Variants in SEMA4B observed in about 807,000 individuals in gnomAD.
SEMA4B encodes semaphorin 4B.
A neutral mutation model predicts 88.1 loss-of-function variants in SEMA4B; 55 were observed. The observed-to-expected ratio is 0.62, with a 90% CI of 0.50 to 0.78. The LOEUF is 0.78. SEMA4B is among the 30% of genes least tolerant of loss of function. SEMA4B has a pLI of 0.00. For synonymous variants in SEMA4B, 525 were observed against 473.6 expected, an observed-to-expected ratio of 1.11 and a Z score of -1.41; for missense variants, 1,062 against 1,111.9, an observed-to-expected ratio of 0.96 and a Z score of 0.64.
At chr15:90,191,972 G>C (rs1960357307) in intron 1 of SEMA4B, 1 of 152,446 alleles carries the variant, frequency 6.6e-6, no homozygotes, top group African/African-American at 2.4e-5. Context: ...AGCCCCTGGG[G>C]AGAAGACACC....
chr15:90,219,750 T>C (rs1300499148), intron 3 of SEMA4B, 43 bp from the exon 4 acceptor site: 3 of 1,526,088 alleles, frequency 2.0e-6, no homozygotes, highest in Non-Finnish European at 2.7e-6. Context: ...CCTGGTGGCA[T>C]GCTTGGGCGT....
At position 90,228,729 on chromosome 15, in the gene SEMA4B, C is replaced by T; in HGVS notation, c.*86C>T. Reference sequence around the variant, plus strand: ...AACTGGACCTCCCCTCCGCTCTGCTCTTCGTGGAACACGACCGTGGTGCCC... The same window carrying T: ...AACTGGACCTCCCCTCCGCTCTGCTTTTCGTGGAACACGACCGTGGTGCCC... On this transcript the variant is annotated 3_prime_UTR_variant, in exon 14 of 14. Transcript: ENST00000411539. 1 of 1,547,716 alleles carries T rather than the reference C, an allele frequency of 6.5e-7. No homozygotes were observed. Among genetic ancestry groups the T allele is most frequent in the Non-Finnish European group, 8.8e-7 (1 of 1,138,786 alleles).
At chr15:90,224,139 C>T (rs1050926601) in intron 9 of SEMA4B, among the ~76,000 whole-genome samples, 151 bp downstream of exon 9, 6 of 152,230 alleles carry the variant, frequency 3.9e-5, no homozygotes, top group African/African-American at 1.4e-4. Flanking sequence ...AGGCCCAGGC[C>T]TGCTTGTGTA....
chr15:90,222,430 C>T (rs1490670496), intron 7 of SEMA4B, among the ~76,000 whole-genome samples: 4 of 151,396 alleles, frequency 2.6e-5, no homozygotes, highest in Admixed American at 2.6e-4. Context: ...GTTAGCTGGG[C>T]GTGGTGGTGC....
At chr15:90,213,829 T>G (rs1171721986) in intron 1 of SEMA4B, among the ~76,000 whole-genome samples, 2 of 152,230 alleles carry the variant, frequency 1.3e-5, no homozygotes, top group African/African-American at 4.8e-5. Flanking sequence ...GTGTCTGTCT[T>G]GGTCTCACTC....
intron 7 of SEMA4B, among the ~76,000 whole-genome samples, chr15:90,222,254 CT>C (rs1156919489): frequency 1.5e-3 from 104 of 68,738 alleles, no homozygotes; most frequent in Middle Eastern, 6.8e-3. Context: ...TTTTTCTTTT[CT>C]TTTTTTTTTT....
At position 90,223,652 on chromosome 15, in the gene SEMA4B, T is replaced by A. The variant is rs369641037; in HGVS notation, c.955T>A (p.Phe319Ile). ...LCSRPDDGFP[F>I]NVLQDVFTLS... ...CTCACGGCCCGACGATGGCTTCCCC[T>A]TCAACGTGCTGCAGGATGTCTTCAC... The change falls in exon 8 of 14, where the codon TTC (phenylalanine) becomes ATC (isoleucine). Residue 319 changes from phenylalanine to isoleucine, a missense_variant. Transcript: ENST00000411539. 12 of 1,613,462 alleles carry A rather than the reference T, an allele frequency of 7.4e-6. No homozygotes were observed. The African/African-American group carries it at 1.1e-4, about 14-fold the overall frequency.
At chr15:90,219,961 TC>T in intron 4 of SEMA4B, 70 bp downstream of exon 4, 1 of 1,210,648 alleles carries the variant, frequency 8.3e-7, no homozygotes, top group African/African-American at 1.5e-5. Flanking sequence ...GGGATCCTGT[TC>T]TGTAGCATAG....
intron 1 of SEMA4B, among the ~76,000 whole-genome samples, chr15:90,195,136 G>C (rs4932301): frequency 1.3e-3 from 191 of 149,700 alleles, no homozygotes; most frequent in Non-Finnish European, 2.3e-3. Context: ...GTCTCATTCT[G>C]TCTCTTAGGC....
chr15:90,227,685 A>C, intron 13 of SEMA4B, 43 bp downstream of exon 13: 1 of 1,600,984 alleles, frequency 6.2e-7, no homozygotes, highest in Middle Eastern at 1.7e-4. Context: ...GGTGGGGACA[A>C]GTGTGCTTGG....
chr15:90,214,966 T>G (rs1483119119), intron 1 of SEMA4B: 1 of 1,279,106 alleles, frequency 7.8e-7, no homozygotes, highest in Non-Finnish European at 1.0e-6. Flanking sequence ...ACTCCACAGG[T>G]AAACACACAT....
At chr15:90,220,557 A>AG (rs1301715551) in intron 4 of SEMA4B, among the ~76,000 whole-genome samples, 2 of 151,048 alleles carry the variant, frequency 1.3e-5, no homozygotes, top group African/African-American at 2.4e-5. Flanking sequence ...TTCGGTAGAG[A>AG]GGGGGGTTTC....
chr15:90,205,963 T>G (rs1226020334), intron 1 of SEMA4B, among the ~76,000 whole-genome samples: 2 of 152,222 alleles, frequency 1.3e-5, no homozygotes, highest in Non-Finnish European at 2.9e-5. Context: ...CTGCCTGCCC[T>G]TCACTGGTTC....
At chr15:90,227,367 A>G in intron 12 of SEMA4B, 190 bp from the exon 13 acceptor site, 1 of 594,488 alleles carries the variant, frequency 1.7e-6, no homozygotes, top group South Asian at 2.0e-5. Context: ...CATACTGTTT[A>G]TGTAATTAAG....
chr15:90,188,175 C>T (rs959858662), intron 1 of SEMA4B, among the ~76,000 whole-genome samples: 11 of 151,808 alleles, frequency 7.2e-5, no homozygotes, highest in South Asian at 2.1e-4. Context: ...AAAAATTAGC[C>T]GAGCATGGTG....
chr15:90,189,942 A>G (rs1960295656), intron 1 of SEMA4B, among the ~76,000 whole-genome samples: 1 of 152,194 alleles, frequency 6.6e-6, no homozygotes, highest in Non-Finnish European at 1.5e-5. Context: ...GGGAGGAGCA[A>G]GCAGGGTCAG....
chr15:90,223,051 C>T (rs73477892), intron 7 of SEMA4B, among the ~76,000 whole-genome samples: 6,633 of 150,982 alleles, frequency 0.044, 270 homozygotes, highest in African/African-American at 0.11. Flanking sequence ...CTGCAACCTC[C>T]GCTGCCCAAT....
chr15:90,198,422 G>C (rs1320503186), upstream of SEMA4B, among the ~76,000 whole-genome samples: 1 of 152,088 alleles, frequency 6.6e-6, no homozygotes, highest in Admixed American at 6.5e-5. Context: ...AAAAATCTCT[G>C]CCCTCTCAGT....
At position 90,212,904 on chromosome 15, in the gene SEMA4B, C is replaced by G. The variant is rs1433034147; in HGVS notation, c.158-4535C>G. 6.6e-6 allele frequency among the ~76,000 whole-genome samples: 1 copy of G among 152,146 alleles called. No individual in the cohort carries two copies. Among genetic ancestry groups the G allele is most frequent in the African/African-American group, 2.4e-5 (1 of 41,430 alleles). On this transcript the variant is annotated intron_variant, in intron 1 of 13. Coordinates refer to ENST00000411539, the MANE Select transcript of SEMA4B (RefSeq NM_198925.4). The surrounding 1 kb of genome is among the most constrained non-coding windows in gnomAD (Gnocchi z 4.0). Reference sequence around the variant, plus strand: ...AAGTTAGAATCGCCCAGGCTAAGTTCGTGAACCCCCTGGATGAGGGAGGCC... The same window carrying G: ...AAGTTAGAATCGCCCAGGCTAAGTTGGTGAACCCCCTGGATGAGGGAGGCC...
Sources: gnomAD v4.1 joint callset for allele counts (sites outside exome capture counted in the v4.1 genomes callset) on GRCh38, gnomAD v4.1.1 for gene constraint, Gnocchi (gnomAD v3.1) non-coding constraint, MANE v1.5 for transcripts, NCBI Gene and HGNC (gene_info 2026-07-23, HGNC 2026-07-21) for gene names.